BCKDHB: variants seen among roughly 807,000 people sequenced by gnomAD.
BCKDHB encodes branched chain keto acid dehydrogenase E1 subunit beta, also known as 2-oxoisovalerate dehydrogenase subunit beta, mitochondrial.
BCKDHB carries 41 observed loss-of-function variants against 48.5 expected under a neutral mutation model. That is an observed-to-expected ratio of 0.85 (90% CI 0.66 to 1.10). The LOEUF (loss-of-function observed/expected upper bound fraction) is 1.10. Among genes scored for constraint, BCKDHB ranks in the 50% least tolerant of loss-of-function variants. BCKDHB has a pLI of 0.00. For synonymous variants in BCKDHB, 201 were observed against 174.8 expected (o/e 1.15, Z -1.18); for missense variants, 496 against 494.2 (o/e 1.00, Z -0.03).
intron 9 of BCKDHB, among the ~76,000 whole-genome samples, chr6:80,312,146 T>C (rs1479941548): frequency 6.6e-6 from 1 of 152,188 alleles, no homozygotes; most frequent in Non-Finnish European, 1.5e-5. Context: ...TCACTTCCCT[T>C]ATTAGCTGTA....
chr6:80,375,216 G>A, the BCKDHB span, among the ~76,000 whole-genome samples: 1 of 152,032 alleles, frequency 6.6e-6, no homozygotes, highest in African/African-American at 2.4e-5. Context: ...GGCCAGGGAA[G>A]TTTTCTTGAT....
intron 6 of BCKDHB, among the ~76,000 whole-genome samples, chr6:80,177,063 C>CA (rs1348950632): frequency 1.3e-5 from 2 of 151,122 alleles, no homozygotes; most frequent in African/African-American, 4.9e-5. Context: ...TGTCTCTACA[C>CA]AAAAAATGCA....
chr6:80,234,626 T>G (rs1776070381), intron 8 of BCKDHB, among the ~76,000 whole-genome samples: 1 of 152,114 alleles, frequency 6.6e-6, no homozygotes, highest in Non-Finnish European at 1.5e-5. Context: ...GGAAGCAGTA[T>G]GGAGACTCCC....
At chr6:80,436,088 TTTTATA>T in the BCKDHB span, among the ~76,000 whole-genome samples, 1,075 of 152,008 alleles carry the variant, frequency 7.1e-3, 15 homozygotes, top group Non-Finnish European at 0.01. Flanking sequence ...CAAGATCCTA[TTTTATA>T]TGCCCAAAAC....
chr6:80,425,188 G>T, the BCKDHB span, among the ~76,000 whole-genome samples: 1 of 152,142 alleles, frequency 6.6e-6, no homozygotes, highest in Non-Finnish European at 1.5e-5. Flanking sequence ...AGGGGATAAT[G>T]ACTAAGCCCT....
the BCKDHB span, among the ~76,000 whole-genome samples, chr6:80,427,799 A>C: frequency 2.0e-5 from 3 of 152,022 alleles, no homozygotes; most frequent in South Asian, 4.2e-4. Flanking sequence ...CTGCTTGCCT[A>C]CTTCTTGACA....
chr6:80,444,532 A>G, the BCKDHB span, among the ~76,000 whole-genome samples: 1 of 152,186 alleles, frequency 6.6e-6, no homozygotes, highest in South Asian at 2.1e-4. Flanking sequence ...AATATAGTCA[A>G]AGTATTTTCT....
At chr6:80,419,575 A>T in the BCKDHB span, among the ~76,000 whole-genome samples, 1 of 152,206 alleles carries the variant, frequency 6.6e-6, no homozygotes, top group Non-Finnish European at 1.5e-5. Flanking sequence ...CTCCTATACC[A>T]AACCCTCTGG....
At chr6:80,352,940 G>C in the BCKDHB span, among the ~76,000 whole-genome samples, 2 of 152,132 alleles carry the variant, frequency 1.3e-5, no homozygotes, top group South Asian at 2.1e-4. Flanking sequence ...TGGGGTACAA[G>C]TATAATTTTG....
At chr6:80,120,235 CCA>C (rs1311818023) in intron 1 of BCKDHB, among the ~76,000 whole-genome samples, 1 of 152,086 alleles carries the variant, frequency 6.6e-6, no homozygotes, top group East Asian at 1.9e-4. Flanking sequence ...TGTATATGTG[CCA>C]CATTTTCTTA....
At chr6:80,281,542 G>A (rs1480597545) in intron 9 of BCKDHB, among the ~76,000 whole-genome samples, 1 of 152,098 alleles carries the variant, frequency 6.6e-6, no homozygotes, top group East Asian at 1.9e-4. Context: ...TTAGACTGGT[G>A]AGTGAGTAAG....
the BCKDHB span, among the ~76,000 whole-genome samples, chr6:80,413,273 G>A: frequency 0.03 from 4,611 of 152,158 alleles, 99 homozygotes; most frequent in South Asian, 0.053. Flanking sequence ...TAAGCTCACC[G>A]TAAGTATGTA....
chr6:80,199,807 C>G (rs570318177), intron 6 of BCKDHB, among the ~76,000 whole-genome samples: 1 of 130,534 alleles, frequency 7.7e-6, no homozygotes, highest in African/African-American at 2.9e-5. Flanking sequence ...AGGCCGGGCA[C>G]ATGCCTGTAA....
chr6:80,315,444 C>T (rs1768392506), intron 9 of BCKDHB, among the ~76,000 whole-genome samples: 1 of 152,118 alleles, frequency 6.6e-6, no homozygotes, highest in Non-Finnish European at 1.5e-5. Flanking sequence ...TCTTCATTCT[C>T]CCTGGGTTGA....
At chr6:80,151,034 G>A (rs1379279904) in intron 3 of BCKDHB, among the ~76,000 whole-genome samples, 1 of 152,076 alleles carries the variant, frequency 6.6e-6, no homozygotes, top group East Asian at 1.9e-4. Flanking sequence ...GCATATATGT[G>A]TACTTATTCA....
the BCKDHB span, among the ~76,000 whole-genome samples, chr6:80,365,108 T>G: frequency 0.28 from 42,833 of 151,898 alleles, 7,462 homozygotes; most frequent in East Asian, 0.54. Flanking sequence ...CTAACAAAGA[T>G]CACATGCTTC....
At chr6:80,273,886 A>G (rs1777858274) in intron 9 of BCKDHB, among the ~76,000 whole-genome samples, 1 of 152,018 alleles carries the variant, frequency 6.6e-6, no homozygotes, top group African/African-American at 2.4e-5. Flanking sequence ...AGACATATAT[A>G]AGATAATTTA....
rs66479077 is a variant in BCKDHB, at chr6:80,138,290, C to CT, written c.343+9070dup. ...TGTAAAAACATAAAAATAAGGAATT[C>CT]TTTTTTTTTATTATTATTATACTTT... On this transcript the variant is annotated intron_variant, in intron 3 of 9. Transcript: ENST00000320393. Among the ~76,000 whole-genome samples, 234 of 151,212 alleles carry CT rather than the reference C, an allele frequency of 1.5e-3. No individual in the cohort carries two copies. The South Asian group carries it at 0.024, about 16-fold the overall frequency.
the BCKDHB span, among the ~76,000 whole-genome samples, chr6:80,362,297 A>G: frequency 1.3e-5 from 2 of 152,284 alleles, no homozygotes; most frequent in South Asian, 2.1e-4. Context: ...TCCTGGTTCA[A>G]TGAATATCCT....
Sources: gnomAD v4.1 joint callset for allele counts (sites outside exome capture counted in the v4.1 genomes callset) on GRCh38, gnomAD v4.1.1 for gene constraint, MANE v1.5 for transcripts, NCBI Gene and HGNC (gene_info 2026-07-23, HGNC 2026-07-21) for gene names.